Variants in RPA3 observed in about 807,000 individuals in gnomAD.
RPA3 encodes the protein replication protein A 14 kDa subunit.
A neutral mutation model predicts 13.7 loss-of-function variants in RPA3; 24 were observed. The ratio of observed to expected loss-of-function variants is 1.75; its 90% CI spans 1.27 to 2.46. The LOEUF (loss-of-function observed/expected upper bound fraction) is 2.46, where lower values mean the gene tolerates loss of function less well. RPA3 is among the 30% of genes most tolerant of loss of function. RPA3 has a pLI of 0.00. For synonymous variants in RPA3, 59 were observed against 51.2 expected (o/e 1.15, Z -0.65); for missense variants, 183 against 151.0 (o/e 1.21, Z -1.11).
At chr7:7,670,595 C>G (rs1347904135) in intron 4 of RPA3, among the ~76,000 whole-genome samples, 4 of 152,206 alleles carry the variant, frequency 2.6e-5, no homozygotes, top group African/African-American at 4.8e-5. Flanking sequence ...CAGTCTGTCT[C>G]ATTGCCCCAT....
intron 4 of RPA3, among the ~76,000 whole-genome samples, chr7:7,670,093 G>A (rs1035683579): frequency 6.6e-6 from 1 of 152,124 alleles, no homozygotes; most frequent in African/African-American, 2.4e-5. Context: ...TTAATTACTT[G>A]TTATAAATTC....
chr7:7,690,305 C>A (rs991662368), intron 2 of RPA3, among the ~76,000 whole-genome samples: 2 of 151,732 alleles, frequency 1.3e-5, no homozygotes, highest in African/African-American at 4.8e-5. Context: ...CATGGAAGTT[C>A]AGGAGAAAAA....
In RPA3 at chr7:7,641,066, A is replaced by C. The variant is rs17169194; in HGVS notation, c.-648T>G. On this transcript the variant is annotated 5_prime_UTR_variant, in exon 5 of 8. Coordinates refer to ENST00000223129, the MANE Select transcript of RPA3 (RefSeq NM_002947.5). The stretch of plus-strand genomic sequence containing the variant: ...GATACCCGCCCCCTTGGAGATGGGC[A>C]GCGGGGTCATCAGTGATCTTGATCA... 0.084 allele frequency: 12,803 copies of C among 152,740 alleles called. 621 individuals carry two copies. Among genetic ancestry groups the C allele is most frequent in the Middle Eastern group, 0.13 (38 of 296 alleles). The allele number at this position is 152,740 out of a possible 1,614,324, so 9.5% of individuals were successfully genotyped here.
chr7:7,672,634 A>T (rs185318909), intron 4 of RPA3, among the ~76,000 whole-genome samples: 3 of 152,244 alleles, frequency 2.0e-5, no homozygotes, highest in African/African-American at 7.2e-5. Context: ...TGATGGTTTT[A>T]TAAGGGGCTT....
At chr7:7,683,580 G>A (rs917259750) in intron 4 of RPA3, among the ~76,000 whole-genome samples, 1 of 151,468 alleles carries the variant, frequency 6.6e-6, no homozygotes, top group Non-Finnish European at 1.5e-5. Context: ...AAAAAGAGCA[G>A]AAAGCTTCAT....
chr7:7,707,216 G>T (rs1000282701), intron 2 of RPA3, among the ~76,000 whole-genome samples: 1 of 152,126 alleles, frequency 6.6e-6, no homozygotes, highest in Non-Finnish European at 1.5e-5. Context: ...GTACAGCAAA[G>T]ATTATATTCA....
chr7:7,690,407 C>G (rs1291208922), intron 2 of RPA3, among the ~76,000 whole-genome samples: 3 of 151,850 alleles, frequency 2.0e-5, no homozygotes, highest in African/African-American at 2.4e-5. Context: ...TATGTTTTTA[C>G]TGGAGTTGAA....
chr7:7,688,727 C>A (rs906767340), intron 2 of RPA3, among the ~76,000 whole-genome samples: 4 of 151,916 alleles, frequency 2.6e-5, no homozygotes, highest in Non-Finnish European at 5.9e-5. Flanking sequence ...TATGTCTTGC[C>A]AATTATGTTG....
At position 7,636,984 on chromosome 7, in the gene RPA3, T is replaced by G. The variant is rs770730301; in HGVS notation, c.*16A>C. 2 of 1,579,118 alleles carry G rather than the reference T, an allele frequency of 1.3e-6. No individual in the cohort carries two copies. The highest frequency in any genetic ancestry group is 1.7e-6 in the Non-Finnish European group (2 of 1,149,910). On this transcript the variant is annotated 3_prime_UTR_variant, in exon 8 of 8. Transcript: ENST00000223129. ...TTAATATAGCTCATTTACAATCGTA[T>G]GAAAATCCATCAAGATCAATCATGT...
chr7:7,709,711 T>G (rs1780702877), intron 2 of RPA3, among the ~76,000 whole-genome samples: 1 of 152,226 alleles, frequency 6.6e-6, no homozygotes, highest in African/African-American at 2.4e-5. Flanking sequence ...ATCTTTAAAG[T>G]GACATCTTAC....
At position 7,636,849 on chromosome 7, in the gene RPA3, T is replaced by TTAA. The variant is rs1454229336; in HGVS notation, c.*150_*151insTTA. 2 of 645,594 alleles carry TTAA rather than the reference T, an allele frequency of 3.1e-6. No individual in the cohort carries two copies. Among genetic ancestry groups the TTAA allele is most frequent in the Non-Finnish European group, 5.5e-6 (2 of 363,914 alleles). The allele number at this position is 645,594 out of a possible 1,614,324, so 40.0% of individuals were successfully genotyped here. ...AGGACTTCGGTGAGAACTGTCAATA[T>TTAA]ATCAGTTCCATCAAAAACTCTAGGT... On this transcript the variant is annotated 3_prime_UTR_variant, in exon 8 of 8. Coordinates refer to ENST00000223129, the MANE Select transcript of RPA3 (RefSeq NM_002947.5).
chr7:7,663,187 A>G (rs2115093536), intron 4 of RPA3, among the ~76,000 whole-genome samples: 1 of 151,286 alleles, frequency 6.6e-6, no homozygotes, highest in African/African-American at 2.4e-5. Flanking sequence ...TCCATTAAAA[A>G]AAAAAAGTCT....
chr7:7,668,110 C>T (rs115148074), intron 4 of RPA3, among the ~76,000 whole-genome samples: 2,796 of 151,816 alleles, frequency 0.018, 87 homozygotes, highest in African/African-American at 0.064. Flanking sequence ...GACACGATTT[C>T]GTCATGTTGC....
intron 2 of RPA3, among the ~76,000 whole-genome samples, chr7:7,710,657 A>G (rs939118655): frequency 1.3e-5 from 2 of 152,228 alleles, no homozygotes; most frequent in African/African-American, 4.8e-5. Flanking sequence ...GAAAAGCTGA[A>G]TATGCAGTTA....
chr7:7,716,495 G>C (rs978924029), intron 1 of RPA3, among the ~76,000 whole-genome samples: 16 of 152,184 alleles, frequency 1.1e-4, no homozygotes, highest in African/African-American at 3.9e-4. Context: ...GGTGAATGCT[G>C]GTAGCTGTGC....
At chr7:7,658,161 G>C (rs1415707247) in intron 4 of RPA3, among the ~76,000 whole-genome samples, 1 of 152,214 alleles carries the variant, frequency 6.6e-6, no homozygotes, top group African/African-American at 2.4e-5. Flanking sequence ...CATTGATTTT[G>C]TATCCTGAGA....
At chr7:7,655,938 C>T (rs987604654) in intron 4 of RPA3, among the ~76,000 whole-genome samples, 5 of 152,220 alleles carry the variant, frequency 3.3e-5, no homozygotes, top group South Asian at 2.1e-4. Flanking sequence ...TGGGTTCCAG[C>T]GATTCTCCTG....
At chr7:7,642,751 C>T (rs1173289409) in intron 4 of RPA3, among the ~76,000 whole-genome samples, 1 of 152,212 alleles carries the variant, frequency 6.6e-6, no homozygotes, top group African/African-American at 2.4e-5. Flanking sequence ...GGAACTTTAC[C>T]AGTTACCAGT....
intron 4 of RPA3, among the ~76,000 whole-genome samples, chr7:7,659,621 G>A (rs545985204): frequency 6.6e-6 from 1 of 152,310 alleles, no homozygotes; most frequent in East Asian, 1.9e-4. Flanking sequence ...AGTTTTGAGT[G>A]AGTTTCTTAA....
Sources: allele counts gnomAD v4.1 joint callset (sites outside exome capture counted in the v4.1 genomes callset), GRCh38; gene constraint gnomAD v4.1.1; transcripts MANE v1.5; gene names NCBI Gene and HGNC (gene_info 2026-07-23, HGNC 2026-07-21).